The following GRM7 variants were observed in gnomAD, a reference collection of about 807,000 sequenced individuals.
The protein encoded by GRM7 is metabotropic glutamate receptor 7.
Under a neutral mutation model 84.5 loss-of-function variants are expected in GRM7, and 35 were observed. That is an observed-to-expected ratio of 0.41 (90% CI 0.32 to 0.55). The LOEUF (loss-of-function observed/expected upper bound fraction) is 0.55. Ranked by LOEUF, GRM7 falls within the 20% of genes least tolerant of loss-of-function variation. The pLI is 0.19. For missense variants in GRM7, 1,003 were observed against 1,194.6 expected (o/e 0.84, Z 2.36); for synonymous variants, 487 against 455.1 (o/e 1.07, Z -0.89).
At chr3:7,108,954 A>T (rs984895847) in intron 1 of GRM7, among the ~76,000 whole-genome samples, 6 of 152,006 alleles carry the variant, frequency 3.9e-5, no homozygotes, top group Non-Finnish European at 8.8e-5. Flanking sequence ...AGGTTTCAAA[A>T]TTTATTTTTT....
intron 7 of GRM7, among the ~76,000 whole-genome samples, chr3:7,479,864 A>G (rs758093515): frequency 2.0e-5 from 3 of 152,104 alleles, no homozygotes; most frequent in Admixed American, 1.3e-4. Flanking sequence ...ACAGAAAAAA[A>G]AGGCTGGAAA....
chr3:7,492,439 A>G (rs115570663), intron 7 of GRM7, among the ~76,000 whole-genome samples: 191 of 152,218 alleles, frequency 1.3e-3, no homozygotes, highest in African/African-American at 3.9e-3. Context: ...TAGGTAGTCT[A>G]TGGCTTTCAG....
chr3:7,302,891 T>C (rs1054725333), intron 3 of GRM7, among the ~76,000 whole-genome samples: 6 of 151,644 alleles, frequency 4.0e-5, no homozygotes, highest in Non-Finnish European at 8.8e-5. Flanking sequence ...ATTATCAAAG[T>C]GGTATCTCTA....
intron 7 of GRM7, among the ~76,000 whole-genome samples, chr3:7,542,379 A>C (rs889399434): frequency 2.0e-5 from 3 of 152,078 alleles, no homozygotes; most frequent in African/African-American, 7.2e-5. Context: ...CTCAGCCTGG[A>C]ATAATGCACT....
chr3:7,686,496 A>T, intron 9 of GRM7: 3 of 813,720 alleles, frequency 3.7e-6, no homozygotes, highest in Non-Finnish European at 6.4e-6. Context: ...CTTGTCTCCA[A>T]TGAGAATTAG....
intron 4 of GRM7, among the ~76,000 whole-genome samples, chr3:7,375,593 T>C (rs2125122951): frequency 6.6e-6 from 1 of 152,248 alleles, no homozygotes; most frequent in Admixed American, 6.5e-5. Flanking sequence ...CCCTATCACA[T>C]GCCCATGCCC....
chr3:6,897,811 A>C (rs560638669), intron 1 of GRM7, among the ~76,000 whole-genome samples: 2 of 152,196 alleles, frequency 1.3e-5, no homozygotes, highest in Non-Finnish European at 2.9e-5. Context: ...AGGGAAACAG[A>C]GATAGTGTAG....
chr3:7,708,503 G>A (rs113079637), intron 9 of GRM7, among the ~76,000 whole-genome samples: 2 of 152,144 alleles, frequency 1.3e-5, no homozygotes, highest in African/African-American at 4.8e-5. Flanking sequence ...TGAAGTGATC[G>A]GGGGTTGCCA....
chr3:7,259,840 GT>G (rs1381683913), intron 2 of GRM7, among the ~76,000 whole-genome samples: 1 of 151,264 alleles, frequency 6.6e-6, no homozygotes, highest in Non-Finnish European at 1.5e-5. Flanking sequence ...TAGCAGTTCT[GT>G]TTTTAGCTCT....
chr3:7,457,919 T>G (rs988630394), intron 6 of GRM7, among the ~76,000 whole-genome samples: 5 of 152,182 alleles, frequency 3.3e-5, no homozygotes, highest in African/African-American at 1.2e-4. Context: ...AGAGAGCTGC[T>G]GTCCCCACAG....
intron 8 of GRM7, among the ~76,000 whole-genome samples, chr3:7,654,872 C>T (rs778960892): frequency 3.3e-5 from 5 of 152,236 alleles, no homozygotes; most frequent in Non-Finnish European, 7.3e-5. Context: ...GTGGCCCACA[C>T]ATATATTTTA....
intron 8 of GRM7, among the ~76,000 whole-genome samples, chr3:7,645,286 C>T (rs932273148): frequency 6.6e-5 from 10 of 152,054 alleles, no homozygotes; most frequent in African/African-American, 2.2e-4. Context: ...CAGTGGCTCA[C>T]GCCTGTAATC....
chr3:7,177,862 A>C (rs967623830), intron 2 of GRM7, among the ~76,000 whole-genome samples: 1 of 152,204 alleles, frequency 6.6e-6, no homozygotes, highest in African/African-American at 2.4e-5. Context: ...CCTATCACAA[A>C]TGAAAATGCT....
At chr3:7,550,339 C>T (rs1051611472) in intron 7 of GRM7, among the ~76,000 whole-genome samples, 6 of 141,994 alleles carry the variant, frequency 4.2e-5, no homozygotes, top group Admixed American at 3.6e-4. Flanking sequence ...TTTCACCTTC[C>T]CTCCTCCCTT....
chr3:7,221,519 A>G (rs1396817489), intron 2 of GRM7, among the ~76,000 whole-genome samples: 1 of 151,966 alleles, frequency 6.6e-6, no homozygotes, highest in Non-Finnish European at 1.5e-5. Context: ...TTTGCTTTTT[A>G]TTTAGTTGAC....
chr3:7,135,850 T>G (rs1312476108), intron 1 of GRM7, among the ~76,000 whole-genome samples: 1 of 152,104 alleles, frequency 6.6e-6, no homozygotes, highest in African/African-American at 2.4e-5. Context: ...ATTTAGAAAT[T>G]TATTTTTATG....
At chr3:6,949,731 A>G (rs190172774) in intron 1 of GRM7, among the ~76,000 whole-genome samples, 3 of 152,058 alleles carry the variant, frequency 2.0e-5, no homozygotes. Context: ...ATAGTCCCAT[A>G]TTTCTTGGAG....
chr3:7,197,246 T>C (rs1695909190), intron 2 of GRM7, among the ~76,000 whole-genome samples: 1 of 152,208 alleles, frequency 6.6e-6, no homozygotes, highest in Non-Finnish European at 1.5e-5. Flanking sequence ...ACTCCAATGA[T>C]ATTGGCACTG....
chr3:7,040,772 G>A (rs1175121253), intron 1 of GRM7, among the ~76,000 whole-genome samples: 1 of 151,706 alleles, frequency 6.6e-6, no homozygotes, highest in Non-Finnish European at 1.5e-5. Context: ...TCCTGACTCA[G>A]AATATTCATT....
Sources: gnomAD v4.1 joint callset for allele counts (sites outside exome capture counted in the v4.1 genomes callset) on GRCh38, gnomAD v4.1.1 for gene constraint, MANE v1.5 for transcripts, NCBI Gene and HGNC (gene_info 2026-07-23, HGNC 2026-07-21) for gene names.